The following TRDN variants were observed in gnomAD, a reference collection of about 807,000 sequenced individuals.
TRDN encodes the protein triadin in skeletal muscle.
TRDN carries 161 observed loss-of-function variants against 149.7 expected under a neutral mutation model. The observed-to-expected ratio is 1.08, with a 90% CI of 0.95 to 1.23. The LOEUF is 1.23. Ranked by LOEUF, TRDN falls within the 50% of genes most tolerant of loss-of-function variation. The probability of loss-of-function intolerance (pLI) is 0.00; values close to 1 mark genes in which losing one functional copy is unlikely to be tolerated. For synonymous variants in TRDN, 294 were observed against 250.5 expected, an observed-to-expected ratio of 1.17 and a Z score of -1.64; for missense variants, 896 against 823.5, an observed-to-expected ratio of 1.09 and a Z score of -1.08.
At chr6:123,306,560 A>C (rs559117206) in intron 24 of TRDN, among the ~76,000 whole-genome samples, 10 of 152,196 alleles carry the variant, frequency 6.6e-5, no homozygotes, top group African/African-American at 2.4e-4. Flanking sequence ...TGACTGCTGG[A>C]ATTGCTTGTT....
At chr6:123,343,834 T>C (rs188632204) in intron 21 of TRDN, among the ~76,000 whole-genome samples, 318 of 152,202 alleles carry the variant, frequency 2.1e-3, no homozygotes, top group Middle Eastern at 6.8e-3. Context: ...ACATTCTTTC[T>C]GTAACAGACT....
At chr6:123,255,203 A>C (rs2114576829) in intron 36 of TRDN, 78 bp from the exon 37 acceptor site, 1 of 638,992 alleles carries the variant, frequency 1.6e-6, no homozygotes, top group Admixed American at 3.4e-5. Flanking sequence ...CACATCAACG[A>C]ATGAGGATAA....
intron 5 of TRDN, among the ~76,000 whole-genome samples, chr6:123,528,141 G>T (rs1166022035): frequency 6.6e-6 from 1 of 151,788 alleles, no homozygotes; most frequent in Non-Finnish European, 1.5e-5. Context: ...GCCTATAAAA[G>T]TATCTAATTT....
At chr6:123,223,689 C>CTTCCTTCT (rs1775240462) in intron 39 of TRDN, among the ~76,000 whole-genome samples, 1 of 132,062 alleles carries the variant, frequency 7.6e-6, no homozygotes, top group South Asian at 2.4e-4. Flanking sequence ...TCCTTCCTTC[C>CTTCCTTCT]TTCCTTCCTT....
intron 4 of TRDN, 51 bp from the exon 5 acceptor site, chr6:123,530,616 T>G (rs909249823): frequency 6.7e-5 from 72 of 1,070,432 alleles, no homozygotes; most frequent in Non-Finnish European, 9.1e-5. Flanking sequence ...TGTATAAAAT[T>G]TAAGCCATAG....
chr6:123,252,460 T>A, intron 37 of TRDN, 25 bp from the exon 38 acceptor site: 1 of 1,378,644 alleles, frequency 7.3e-7, no homozygotes, highest in Non-Finnish European at 1.0e-6. Flanking sequence ...TAAATAAGTT[T>A]TGTTTAACTG....
chr6:123,502,574 C>A, intron 8 of TRDN: 5 of 984,496 alleles, frequency 5.1e-6, no homozygotes, highest in Middle Eastern at 5.2e-4. Context: ...TTTACAAATG[C>A]AAATTCAAGA....
chr6:123,231,502 A>G (rs1404317237), intron 38 of TRDN, among the ~76,000 whole-genome samples: 3 of 152,040 alleles, frequency 2.0e-5, no homozygotes, highest in Admixed American at 6.6e-5. Context: ...TAGAATGTTC[A>G]ATTGGGCTAG....
chr6:123,373,836 T>C (rs769128359), intron 19 of TRDN, among the ~76,000 whole-genome samples: 1 of 152,166 alleles, frequency 6.6e-6, no homozygotes, highest in Non-Finnish European at 1.5e-5. Flanking sequence ...CAGAAAACTA[T>C]GTGCACCATA....
intron 1 of TRDN, among the ~76,000 whole-genome samples, chr6:123,603,305 T>C (rs898020041): frequency 7.2e-5 from 11 of 152,056 alleles, no homozygotes; most frequent in Non-Finnish European, 1.3e-4. Flanking sequence ...CCAATGCATA[T>C]CTTATCCTTT....
At chr6:123,630,879 C>A (rs1481438823) in intron 1 of TRDN, among the ~76,000 whole-genome samples, 2 of 151,826 alleles carry the variant, frequency 1.3e-5, no homozygotes, top group Non-Finnish European at 2.9e-5. Context: ...TTCCTCTGGC[C>A]ATATTATTTT....
chr6:123,422,063 A>T (rs561332171), intron 12 of TRDN, among the ~76,000 whole-genome samples: 273 of 152,322 alleles, frequency 1.8e-3, no homozygotes, highest in African/African-American at 6.2e-3. Context: ...ACAACTATTT[A>T]CATAACATAT....
intron 33 of TRDN, among the ~76,000 whole-genome samples, chr6:123,264,201 A>G (rs1776862694): frequency 2.0e-5 from 3 of 152,116 alleles, no homozygotes; most frequent in Admixed American, 2.0e-4. Context: ...AAGTAAATTG[A>G]AAGTCTTCTG....
At chr6:123,289,670 C>T (rs1777930621) in intron 24 of TRDN, among the ~76,000 whole-genome samples, 1 of 152,142 alleles carries the variant, frequency 6.6e-6, no homozygotes, top group Non-Finnish European at 1.5e-5. Flanking sequence ...ATAATCTTCA[C>T]CTTAATCTTC....
At chr6:123,521,237 T>C (rs979707018) in intron 5 of TRDN, among the ~76,000 whole-genome samples, 3 of 152,168 alleles carry the variant, frequency 2.0e-5, no homozygotes, top group African/African-American at 7.2e-5. Flanking sequence ...AAATATATGT[T>C]GAAGTCATTA....
intron 22 of TRDN, among the ~76,000 whole-genome samples, chr6:123,335,053 G>C (rs1779812238): frequency 6.6e-6 from 1 of 151,920 alleles, no homozygotes; most frequent in East Asian, 1.9e-4. Flanking sequence ...TTAGCAGCAG[G>C]CTTCAAAGAG....
At chr6:123,333,687 A>T (rs751852650) in intron 22 of TRDN, among the ~76,000 whole-genome samples, 1 of 152,068 alleles carries the variant, frequency 6.6e-6, no homozygotes, top group Non-Finnish European at 1.5e-5. Flanking sequence ...CTGACAAAAA[A>T]GTGAAGAGAT....
At chr6:123,288,212 T>C (rs955570419) in intron 24 of TRDN, among the ~76,000 whole-genome samples, 4 of 152,192 alleles carry the variant, frequency 2.6e-5, no homozygotes, top group Non-Finnish European at 4.4e-5. Context: ...AATTGGGCTC[T>C]TATTTCACAG....
At chr6:123,623,217 G>A (rs1785485871) in intron 1 of TRDN, among the ~76,000 whole-genome samples, 1 of 151,648 alleles carries the variant, frequency 6.6e-6, no homozygotes, top group Non-Finnish European at 1.5e-5. Context: ...AGCAAATTGA[G>A]GCAAACAAAT....
Sources: gnomAD v4.1 joint callset for allele counts (sites outside exome capture counted in the v4.1 genomes callset) on GRCh38, gnomAD v4.1.1 for gene constraint, MANE v1.5 for transcripts, NCBI Gene and HGNC (gene_info 2026-07-23, HGNC 2026-07-21) for gene names.